The following PKP4 variants were observed in gnomAD, a reference collection of about 807,000 sequenced individuals.
PKP4 encodes plakophilin 4, also known as plakophilin-4.
PKP4 carries 90 observed loss-of-function variants against 145.1 expected under a neutral mutation model. The observed-to-expected ratio is 0.62, with a 90% confidence interval of 0.52 to 0.74. The LOEUF is 0.74. PKP4 is among the 30% of genes least tolerant of loss of function. The pLI is 0.00. For missense variants in PKP4, 1,340 were observed against 1,482.7 expected, an observed-to-expected ratio of 0.90 and a Z score of 1.58; for synonymous variants, 563 against 577.2, an observed-to-expected ratio of 0.98 and a Z score of 0.35.
intron 4 of PKP4, among the ~76,000 whole-genome samples, chr2:158,614,154 A>G (rs1214326742): frequency 6.6e-6 from 1 of 152,210 alleles, no homozygotes; most frequent in Non-Finnish European, 1.5e-5. Context: ...TTATAGAGAT[A>G]CAAATGGAAG....
intron 9 of PKP4, among the ~76,000 whole-genome samples, 157 bp downstream of exon 9, chr2:158,634,446 T>C (rs1274925115): frequency 4.6e-5 from 7 of 152,242 alleles, no homozygotes; most frequent in Non-Finnish European, 7.3e-5. Flanking sequence ...TCCAGCTATA[T>C]AGGTCATTGA....
chr2:158,679,817 A>G (rs553007066), intron 21 of PKP4, among the ~76,000 whole-genome samples: 1 of 152,186 alleles, frequency 6.6e-6, no homozygotes, highest in Non-Finnish European at 1.5e-5. Context: ...TAATTTTACT[A>G]TTCTTCTGCC....
chr2:158,663,181 C>A, intron 14 of PKP4, 91 bp from the exon 15 acceptor site: 1 of 1,513,474 alleles, frequency 6.6e-7, no homozygotes, highest in Non-Finnish European at 9.0e-7. Flanking sequence ...TTCTGCATAG[C>A]TATAGCTGAG....
intron 1 of PKP4, among the ~76,000 whole-genome samples, chr2:158,485,792 GT>G (rs1312469232): frequency 6.6e-6 from 1 of 152,052 alleles, no homozygotes; most frequent in Non-Finnish European, 1.5e-5. Context: ...ATTTGTTTTT[GT>G]TTTGTTTTTA....
rs368212761 is a variant in PKP4, at chr2:158,461,038, A to G, written c.-6+3820A>G. 4.6e-5 allele frequency among the ~76,000 whole-genome samples: 7 copies of G among 152,356 alleles called. 1 individual carries two copies. The East Asian group carries it at 5.8e-4, about 13-fold the overall frequency. ...AATGGAAGTGATGATAGCAGTCAGC[A>G]GGTCAGTTCGATGCTCAGTGATAAG... On this transcript the variant is annotated intron_variant, in intron 1 of 21. Coordinates refer to ENST00000389759, the MANE Select transcript of PKP4 (RefSeq NM_003628.6).
At chr2:158,632,355 A>C in intron 8 of PKP4, 1 of 187,176 alleles carries the variant, frequency 5.3e-6, no homozygotes, top group Non-Finnish European at 1.1e-5. Context: ...CATGAAGCCC[A>C]AGTGTATTTG....
intron 11 of PKP4, among the ~76,000 whole-genome samples, chr2:158,653,321 T>G (rs1312262701): frequency 1.3e-5 from 2 of 152,252 alleles, no homozygotes; most frequent in Admixed American, 1.3e-4. Context: ...AAAATCAGCT[T>G]CTAATTTGAC....
Position 158,526,077 on chromosome 2 carries a change from C to T in PKP4, c.-5-7103C>T, listed in dbSNP as rs1027474354. On this transcript the variant is annotated intron_variant, in intron 1 of 21. Transcript: ENST00000389759. ...GATACAAGGAGGAACTGGTACCATTCCTTCTGAAACTATTCCAATGAATAG... is the reference window on the plus strand; with the variant it reads ...GATACAAGGAGGAACTGGTACCATTTCTTCTGAAACTATTCCAATGAATAG... 6.3e-4 allele frequency among the ~76,000 whole-genome samples: 96 copies of T among 151,734 alleles called. 1 individual carries two copies. The Middle Eastern group carries it at 0.02, about 32-fold the overall frequency.
rs2057413330 is a variant in PKP4, at chr2:158,669,913, C to T, written c.2922C>T (p.Asp974=). 28 of 1,608,144 alleles carry T rather than the reference C, an allele frequency of 1.7e-5. No individual in the cohort carries two copies. The highest frequency in any genetic ancestry group is 2.4e-5 in the Non-Finnish European group (28 of 1,176,114). Residue 974 remains aspartate, a splice_region_variant and synonymous_variant, in exon 17 of 22, where the codon GAC becomes GAT. Transcript: ENST00000389759. The part of the protein sequence containing the change: ...KLVNITKGRG[D]RSSLKVVKAA... ...TGAACATAACCAAAGGCAGGGGCGACAGGCAAGTCTGCGGCAAGGAGGTGC... is the reference window on the plus strand; with the variant it reads ...TGAACATAACCAAAGGCAGGGGCGATAGGCAAGTCTGCGGCAAGGAGGTGC...
chr2:158,502,807 T>C (rs887111721), intron 1 of PKP4, among the ~76,000 whole-genome samples: 7 of 152,246 alleles, frequency 4.6e-5, no homozygotes, highest in Admixed American at 1.3e-4. Context: ...AGTACAACTT[T>C]TACAGTGTGT....
intron 1 of PKP4, among the ~76,000 whole-genome samples, chr2:158,473,685 A>G (rs561274894): frequency 3.9e-5 from 6 of 152,186 alleles, no homozygotes; most frequent in African/African-American, 1.4e-4. Flanking sequence ...AGGGGGCGGA[A>G]AAGGTAACTC....
At chr2:158,556,762 T>G (rs892376364) in intron 2 of PKP4, among the ~76,000 whole-genome samples, 2 of 152,196 alleles carry the variant, frequency 1.3e-5, no homozygotes, top group Non-Finnish European at 2.9e-5. Flanking sequence ...AGACCATCCC[T>G]GTTTGGTACT....
intron 6 of PKP4, among the ~76,000 whole-genome samples, chr2:158,623,724 A>G (rs889223763): frequency 3.9e-5 from 6 of 152,142 alleles, no homozygotes; most frequent in Admixed American, 6.5e-5. Context: ...CAAAGCCCTC[A>G]TCTGATCCCT....
intron 11 of PKP4, among the ~76,000 whole-genome samples, chr2:158,647,993 A>G (rs2105945394): frequency 6.6e-6 from 1 of 152,326 alleles, no homozygotes; most frequent in East Asian, 1.9e-4. Flanking sequence ...GCCTCCTGAA[A>G]ACATCATTTT....
At chr2:158,592,986 T>C (rs1291145399) in intron 3 of PKP4, among the ~76,000 whole-genome samples, 1 of 152,154 alleles carries the variant, frequency 6.6e-6, no homozygotes, top group African/African-American at 2.4e-5. Context: ...CAGGGCCCTT[T>C]TCTTGTTCCT....
chr2:158,481,913 T>C (rs1175785036), intron 1 of PKP4, among the ~76,000 whole-genome samples: 1 of 152,222 alleles, frequency 6.6e-6, no homozygotes, highest in Non-Finnish European at 1.5e-5. Context: ...ATTGAAATGG[T>C]GCCAAATTAT....
intron 2 of PKP4, among the ~76,000 whole-genome samples, chr2:158,575,144 A>T (rs2047735978): frequency 6.6e-6 from 1 of 152,214 alleles, no homozygotes; most frequent in South Asian, 2.1e-4. Flanking sequence ...AGATAAAGAA[A>T]CTATTGTTAT....
intron 11 of PKP4, among the ~76,000 whole-genome samples, chr2:158,653,536 G>C (rs2055605409): frequency 6.6e-6 from 1 of 152,152 alleles, no homozygotes; most frequent in South Asian, 2.1e-4. Context: ...TTGTTCCTGT[G>C]ACAGGGAATA....
At chr2:158,651,796 T>C (rs1289995430) in intron 11 of PKP4, among the ~76,000 whole-genome samples, 4 of 152,000 alleles carry the variant, frequency 2.6e-5, no homozygotes, top group African/African-American at 4.8e-5. Context: ...ACATCACCAC[T>C]GTCAAACCCC....
Sources: allele counts gnomAD v4.1 joint callset (sites outside exome capture counted in the v4.1 genomes callset), GRCh38; gene constraint gnomAD v4.1.1; transcripts MANE v1.5; gene names NCBI Gene and HGNC (gene_info 2026-07-23, HGNC 2026-07-21).